The following KIAA1549L variants were observed in gnomAD, a reference collection of about 807,000 sequenced individuals.
KIAA1549L encodes KIAA1549 like.
A neutral mutation model predicts 160.7 loss-of-function variants in KIAA1549L; 88 were observed. The observed-to-expected ratio is 0.55, with a 90% CI of 0.46 to 0.65. The LOEUF is 0.65. Among genes scored for constraint, KIAA1549L ranks in the 30% least tolerant of loss-of-function variants. KIAA1549L has a pLI of 0.00. For synonymous variants in KIAA1549L, 950 were observed against 976.7 expected (o/e 0.97, Z 0.51); for missense variants, 2,258 against 2,437.5 (o/e 0.93, Z 1.55).
chr11:33,378,504 C>G (rs1009644910), intron 1 of KIAA1549L, among the ~76,000 whole-genome samples: 2 of 152,110 alleles, frequency 1.3e-5, no homozygotes, highest in African/African-American at 4.8e-5. Flanking sequence ...TTTCTTTTTC[C>G]TTTCAGTGTG....
intron 10 of KIAA1549L, among the ~76,000 whole-genome samples, chr11:33,576,003 G>A (rs1029734671): frequency 2.0e-5 from 3 of 152,176 alleles, no homozygotes; most frequent in South Asian, 2.1e-4. Context: ...ACAGGAAGTG[G>A]CAGGACTGGT....
chr11:33,467,957 G>A (rs959242994), intron 1 of KIAA1549L, among the ~76,000 whole-genome samples: 1 of 152,232 alleles, frequency 6.6e-6, no homozygotes, highest in African/African-American at 2.4e-5. Context: ...AGGGCATTGA[G>A]TGTTTGCAGC....
intron 1 of KIAA1549L, among the ~76,000 whole-genome samples, chr11:33,528,245 A>T (rs1461840291): frequency 6.6e-6 from 1 of 152,236 alleles, no homozygotes. Context: ...ATCACTAATT[A>T]TCAGAGAATG....
intron 8 of KIAA1549L, among the ~76,000 whole-genome samples, chr11:33,566,350 G>A (rs892396696): frequency 3.3e-5 from 5 of 152,198 alleles, no homozygotes; most frequent in African/African-American, 9.7e-5. Context: ...TAGAGGGGCC[G>A]TCTTTGAACC....
intron 1 of KIAA1549L, among the ~76,000 whole-genome samples, chr11:33,450,321 G>A (rs1226239095): frequency 6.6e-6 from 1 of 152,158 alleles, no homozygotes; most frequent in Non-Finnish European, 1.5e-5. Flanking sequence ...ACTTTGGGAG[G>A]CTGTGGTGGG....
chr11:33,594,245 A>C (rs1850141242), intron 12 of KIAA1549L, among the ~76,000 whole-genome samples: 1 of 152,196 alleles, frequency 6.6e-6, no homozygotes. Flanking sequence ...AGGTTGGGGC[A>C]TGTGGATTAG....
intron 17 of KIAA1549L, 104 bp downstream of exon 17, chr11:33,646,140 A>T (rs1270881520): frequency 1.2e-6 from 1 of 864,326 alleles, no homozygotes; most frequent in Non-Finnish European, 1.8e-6. Flanking sequence ...AAGCTTTGGG[A>T]TCTGGAGATG....
chr11:33,477,505 A>ACACG (rs1565152307), intron 1 of KIAA1549L, among the ~76,000 whole-genome samples: 59 of 143,104 alleles, frequency 4.1e-4, no homozygotes, highest in African/African-American at 1.5e-3. Context: ...ACGCAGGTGC[A>ACACG]CGCACACACA....
chr11:33,635,798 G>T (rs1034948720), intron 16 of KIAA1549L, among the ~76,000 whole-genome samples: 4 of 152,178 alleles, frequency 2.6e-5, no homozygotes, highest in African/African-American at 9.7e-5. Flanking sequence ...TTTATTCAGT[G>T]AGTATTTATT....
chr11:33,595,848 A>T (rs1850185028), intron 12 of KIAA1549L, among the ~76,000 whole-genome samples: 1 of 152,154 alleles, frequency 6.6e-6, no homozygotes, highest in African/African-American at 2.4e-5. Context: ...TGGTTAAGAT[A>T]TCTCAATTTT....
Position 33,591,526 on chromosome 11 carries a change from C to G in KIAA1549L, c.4751+105C>G, listed in dbSNP as rs543679387. On this transcript the variant is annotated intron_variant, in intron 12 of 20. Coordinates refer to ENST00000658780, the MANE Select transcript of KIAA1549L (RefSeq NM_012194.3). ...AATTCCACGGTTCTCTTTAAAAATT[C>G]CCCTTCATGCTCATTTTGAATATTT... 39 of 862,034 alleles carry G rather than the reference C, an allele frequency of 4.5e-5. No individual in the cohort carries two copies. In the African/African-American group the frequency reaches 5.6e-4, roughly 12 times the overall value. The allele number at this position is 862,034 out of a possible 1,614,324, so 53.4% of individuals were successfully genotyped here.
At chr11:33,414,685 C>A (rs941119125) in intron 1 of KIAA1549L, among the ~76,000 whole-genome samples, 1 of 152,164 alleles carries the variant, frequency 6.6e-6, no homozygotes, top group African/African-American at 2.4e-5. Flanking sequence ...CAACAAGCGA[C>A]CTTTCCCAAT....
At chr11:33,379,290 C>T (rs532662848) in intron 1 of KIAA1549L, among the ~76,000 whole-genome samples, 1 of 152,240 alleles carries the variant, frequency 6.6e-6, no homozygotes, top group East Asian at 1.9e-4. Context: ...TTCCACCCAC[C>T]CCACCCCAGC....
chr11:33,556,689 A>T (rs1256186551), intron 6 of KIAA1549L, among the ~76,000 whole-genome samples: 1 of 152,146 alleles, frequency 6.6e-6, no homozygotes, highest in Non-Finnish European at 1.5e-5. Flanking sequence ...GTATCTAGAA[A>T]GTAGAATGGT....
intron 16 of KIAA1549L, among the ~76,000 whole-genome samples, chr11:33,619,522 TG>T (rs1850905244): frequency 6.6e-6 from 1 of 152,250 alleles, no homozygotes; most frequent in South Asian, 2.1e-4. Context: ...CCATGCTAAT[TG>T]GAAAGCAACA....
At chr11:33,576,717 G>A (rs998878939) in intron 10 of KIAA1549L, among the ~76,000 whole-genome samples, 6 of 152,294 alleles carry the variant, frequency 3.9e-5, no homozygotes, top group South Asian at 4.1e-4. Flanking sequence ...GGAAGGAAGC[G>A]GGGCTCAGAG....
At chr11:33,613,105 C>A (rs981764516) in intron 15 of KIAA1549L, among the ~76,000 whole-genome samples, 2 of 152,064 alleles carry the variant, frequency 1.3e-5, no homozygotes, top group African/African-American at 4.8e-5. Context: ...ATTTCTGTTC[C>A]TCTGGGTATA....
In KIAA1549L at chr11:33,399,816, C is replaced by T. The variant is rs114965477; in HGVS notation, c.238+22927C>T. Reference sequence around the variant, plus strand: ...ACTCAGTTTTGTGAATTCAGAAGGACGAAGATGAAGAAGATAGGAGGAGAT... The same window carrying T: ...ACTCAGTTTTGTGAATTCAGAAGGATGAAGATGAAGAAGATAGGAGGAGAT... On this transcript the variant is annotated intron_variant, in intron 1 of 20. Coordinates refer to ENST00000658780, the MANE Select transcript of KIAA1549L (RefSeq NM_012194.3). Among the ~76,000 whole-genome samples, 318 of 152,200 alleles carry T rather than the reference C, an allele frequency of 2.1e-3. 1 individual carries two copies. Among genetic ancestry groups the T allele is most frequent in the African/African-American group, 7.3e-3 (302 of 41,504 alleles).
Position 33,551,165 on chromosome 11 carries a change from A to T in KIAA1549L, c.3627A>T (p.Ala1209=). ...LGVYGVSNVT[A]DLKQHTPHLQ... is the part of the protein sequence containing the mutation. ...TGTATGGAGTCAGCAACGTCACTGCAGACCTGAAGCAACACACCCCACACT... is the reference window on the plus strand; with the variant it reads ...TGTATGGAGTCAGCAACGTCACTGCTGACCTGAAGCAACACACCCCACACT... Residue 1209 remains alanine, a synonymous_variant, in exon 5 of 21, where the codon GCA becomes GCT. Coordinates refer to ENST00000658780, the MANE Select transcript of KIAA1549L (RefSeq NM_012194.3). 1 of 1,613,994 alleles carries T rather than the reference A, an allele frequency of 6.2e-7. No homozygotes were observed. The highest frequency in any genetic ancestry group is 8.5e-7 in the Non-Finnish European group (1 of 1,179,866).
Sources: allele counts gnomAD v4.1 joint callset (sites outside exome capture counted in the v4.1 genomes callset), GRCh38; gene constraint gnomAD v4.1.1; transcripts MANE v1.5; gene names NCBI Gene and HGNC (gene_info 2026-07-23, HGNC 2026-07-21).